The following KDM2B variants were observed in gnomAD, a reference collection of about 807,000 sequenced individuals.
The protein encoded by KDM2B is lysine-specific demethylase 2B.
Under a neutral mutation model 150.0 loss-of-function variants are expected in KDM2B, and 26 were observed. The observed-to-expected ratio is 0.17, with a 90% CI of 0.13 to 0.24. The LOEUF is 0.24. KDM2B is among the 10% of genes least tolerant of loss of function. The pLI is 1.00. For missense variants in KDM2B, 1,265 were observed against 1,816.9 expected, an observed-to-expected ratio of 0.70 and a Z score of 5.52; for synonymous variants, 734 against 729.5, an observed-to-expected ratio of 1.01 and a Z score of -0.10.
At chr12:121,563,774 C>T (rs1201893351) in intron 4 of KDM2B, among the ~76,000 whole-genome samples, 2 of 151,056 alleles carry the variant, frequency 1.3e-5, no homozygotes, top group African/African-American at 4.9e-5. Context: ...CAAAAAGTAG[C>T]AAATCTCAGC....
At chr12:121,578,770 G>C (rs781840170) in intron 2 of KDM2B, 32 bp downstream of exon 2, 2 of 1,444,454 alleles carry the variant, frequency 1.4e-6, no homozygotes, top group Non-Finnish European at 1.8e-6. Flanking sequence ...GGCCCGCAGC[G>C]CAGAGGGCGG....
chr12:121,476,841 A>G (rs1481685955), intron 12 of KDM2B, among the ~76,000 whole-genome samples: 2 of 152,174 alleles, frequency 1.3e-5, no homozygotes, highest in African/African-American at 4.8e-5. Flanking sequence ...AAAATAGAAA[A>G]AGCCTGACAA....
the KDM2B span, chr12:121,417,806 A>G: frequency 3.7e-6 from 6 of 1,614,112 alleles, no homozygotes; most frequent in Middle Eastern, 1.6e-4. This position sits in a 1 kb window ranked among gnomAD's most constrained non-coding sequence, Gnocchi z 5.0. Context: ...GCTTTTTTAC[A>G]CGTTCGTTTT....
chr12:121,451,964 TA>T (rs374311729), intron 13 of KDM2B, among the ~76,000 whole-genome samples: 4 of 149,578 alleles, frequency 2.7e-5, no homozygotes, highest in East Asian at 3.9e-4. Context: ...TAATCGGCCA[TA>T]AAAAAAAAGG....
intron 6 of KDM2B, among the ~76,000 whole-genome samples, chr12:121,541,028 T>C (rs1163497221): frequency 2.6e-5 from 4 of 151,760 alleles, no homozygotes; most frequent in African/African-American, 9.7e-5. Context: ...AGGTTGGGAG[T>C]TCGAGACCAG....
At chr12:121,418,157 G>C in the KDM2B span, 1 of 502,382 alleles carries the variant, frequency 2.0e-6, no homozygotes, top group Non-Finnish European at 3.6e-6. Flanking sequence ...CTTGGCCTTA[G>C]TTAATTTCTC....
chr12:121,439,544 CT>C (rs1874614701), intron 22 of KDM2B, among the ~76,000 whole-genome samples: 1 of 151,752 alleles, frequency 6.6e-6, no homozygotes, highest in South Asian at 2.1e-4. Context: ...CAACCCCCGG[CT>C]AATTTTTGTA....
Position 121,441,078 on chromosome 12 carries a change from C to A in KDM2B, c.3440G>T (p.Arg1147Leu). ...SKKQLSWLIN[R>L]LPGLRDLVLS... ...ACTGGCCCAGGGCTCACCAGGCAGC[C>A]GGTTGATGAGCCAGCTCAGCTGCTT... Residue 1147 changes from arginine to leucine, a missense_variant, in exon 20 of 23, where the codon CGG becomes CTG. Coordinates refer to ENST00000377071, the MANE Select transcript of KDM2B (RefSeq NM_032590.5). 1 of 1,614,128 alleles carries A rather than the reference C, an allele frequency of 6.2e-7. No homozygotes were observed. The highest frequency in any genetic ancestry group is 8.5e-7 in the Non-Finnish European group (1 of 1,179,994).
At position 121,465,291 on chromosome 12, in the gene KDM2B, G is replaced by C. The variant is rs1013466222; in HGVS notation, c.1735-11947C>G. On this transcript the variant is annotated intron_variant, in intron 12 of 22. Transcript: ENST00000377071. The stretch of plus-strand genomic sequence containing the variant: ...CGCTCAGGCTGGAGTGCAGTGGCAC[G>C]ATCTCGGCTCATTGCAACCGCAACC... Among the ~76,000 whole-genome samples the C allele has an allele frequency of 6.6e-5, 10 of 152,138 alleles. 1 individual carries two copies. The East Asian group carries it at 1.9e-3, about 29-fold the overall frequency.
chr12:121,527,531 G>A (rs755253768), intron 8 of KDM2B, among the ~76,000 whole-genome samples: 8 of 150,552 alleles, frequency 5.3e-5, no homozygotes, highest in Admixed American at 2.6e-4. Flanking sequence ...GCAGGCGCCT[G>A]TAGTCCCAGC....
chr12:121,520,448 A>G lies in KDM2B; in HGVS notation c.1047+537T>C, dbSNP rs1566370456. On this transcript the variant is annotated intron_variant, in intron 9 of 22. Coordinates refer to ENST00000377071, the MANE Select transcript of KDM2B (RefSeq NM_032590.5). This position sits in a 1 kb window ranked among gnomAD's most constrained non-coding sequence, Gnocchi z 4.5. ...GCAGAGAAAAGCCTCGGCCCCAGGA[A>G]ACTAGAGACGTCCTCAGCAGACATG... Among the ~76,000 whole-genome samples the G allele has an allele frequency of 6.6e-6, 1 of 152,208 alleles. No individual in the cohort carries two copies. The highest frequency in any genetic ancestry group is 3.4e-3 in the Middle Eastern group (1 of 294).
chr12:121,574,662 G>A (rs543776077), intron 3 of KDM2B, 69 bp from the exon 4 acceptor site: 49 of 1,399,896 alleles, frequency 3.5e-5, no homozygotes, highest in African/African-American at 1.0e-4. Context: ...CCCTGGGCCC[G>A]GGGGGAAGCC....
rs1874697134 is a variant in KDM2B at position 121,439,961 on chromosome 12, T to C, written c.3725A>G (p.Lys1242Arg). 1.2e-6 allele frequency: 2 copies of C among 1,614,006 alleles called. No homozygotes were observed. The highest frequency in any genetic ancestry group is 1.3e-5 in the African/African-American group (1 of 74,910). ...GTGGTTACAGTAACTGAGGTGGAGC[T>C]TGGAGAGCAGGGGCATGTGGCGGAT... Reference protein sequence around the residue: ...LIIRHMPLLSKLHLSYCNHVT... With the variant: ...LIIRHMPLLSRLHLSYCNHVT... The change falls in exon 22 of 23, where the codon AAG becomes AGG. Residue 1242 changes from lysine to arginine, a missense_variant. This residue lies in a region of KDM2B where 251 missense variants were observed against 397.8 expected (regional missense o/e 0.63). Transcript: ENST00000377071.
At chr12:121,421,757 G>C in the KDM2B span, among the ~76,000 whole-genome samples, 2 of 152,150 alleles carry the variant, frequency 1.3e-5, no homozygotes, top group Non-Finnish European at 2.9e-5. Flanking sequence ...GCCCAGACTA[G>C]TGCTGAATTA....
the KDM2B span, among the ~76,000 whole-genome samples, chr12:121,422,458 A>G: frequency 3.9e-5 from 6 of 152,238 alleles, no homozygotes; most frequent in Non-Finnish European, 7.3e-5. Context: ...TGCCTTCTCC[A>G]TTGGCATATC....
intron 4 of KDM2B, among the ~76,000 whole-genome samples, chr12:121,553,051 T>C (rs545797407): frequency 7.5e-4 from 114 of 151,720 alleles, no homozygotes; most frequent in African/African-American, 2.5e-3. Flanking sequence ...GCTAACACGG[T>C]GAAACCCCGA....
the KDM2B span, among the ~76,000 whole-genome samples, chr12:121,422,811 C>G: frequency 6.6e-6 from 1 of 152,146 alleles, no homozygotes; most frequent in Admixed American, 6.5e-5. Flanking sequence ...CCAGGACGGC[C>G]CATCTCTTTC....
the KDM2B span, chr12:121,418,000 A>G: frequency 7.4e-7 from 1 of 1,345,120 alleles, no homozygotes; most frequent in Non-Finnish European, 1.0e-6. The surrounding 1 kb of genome is among the most constrained non-coding windows in gnomAD (Gnocchi z 5.0). Flanking sequence ...ATGACTTCTG[A>G]TAAACTTCAA....
intron 12 of KDM2B, among the ~76,000 whole-genome samples, chr12:121,471,981 G>C (rs1397391253): frequency 1.3e-5 from 2 of 152,034 alleles, no homozygotes; most frequent in Non-Finnish European, 2.9e-5. Flanking sequence ...AAATTAGCCG[G>C]GCATGGTGAC....
Sources: allele counts gnomAD v4.1 joint callset (sites outside exome capture counted in the v4.1 genomes callset), GRCh38; gene constraint gnomAD v4.1.1; regional missense constraint gnomAD v4.1.1; non-coding constraint Gnocchi (gnomAD v3.1); transcripts MANE v1.5; gene names NCBI Gene and HGNC (gene_info 2026-07-23, HGNC 2026-07-21).